Variants in P2RY8 observed in about 807,000 individuals in gnomAD.
The protein encoded by P2RY8 is S-geranylgeranyl-glutathione receptor P2RY8.
Under a neutral mutation model 10.0 loss-of-function variants are expected in P2RY8, and 6 were observed. The ratio of observed to expected loss-of-function variants is 0.60; its 90% confidence interval spans 0.33 to 1.19. The LOEUF (loss-of-function observed/expected upper bound fraction) is 1.19. P2RY8 is among the 50% of genes most tolerant of loss of function. The pLI is 0.04. For missense variants in P2RY8, 456 were observed against 542.0 expected (o/e 0.84, Z 1.58); for synonymous variants, 276 against 252.5 (o/e 1.09, Z -0.88).
intron 1 of P2RY8, among the ~76,000 whole-genome samples, chrX:1,497,573 G>A (rs7065043): frequency 0.29 from 44,204 of 150,860 alleles, 6,738 homozygotes; most frequent in Middle Eastern, 0.39. Context: ...CAGGAGAATC[G>A]CTTGAACCCG....
intron 1 of P2RY8, among the ~76,000 whole-genome samples, chrX:1,479,260 T>C (rs2091909996): frequency 6.6e-6 from 1 of 152,260 alleles, no homozygotes; most frequent in African/African-American, 2.4e-5. Context: ...TTTTGCATAG[T>C]AGGACATACA....
intron 1 of P2RY8, among the ~76,000 whole-genome samples, chrX:1,473,026 T>C (rs2091814157): frequency 7.7e-6 from 1 of 130,202 alleles, no homozygotes; most frequent in African/African-American, 3.0e-5. Flanking sequence ...GGTAGGTGGG[T>C]TTGTGAATGG....
intron 1 of P2RY8, among the ~76,000 whole-genome samples, chrX:1,526,778 C>G (rs1321404262): frequency 1.3e-5 from 2 of 152,168 alleles, no homozygotes; most frequent in Admixed American, 6.5e-5. Flanking sequence ...TCCATTAATT[C>G]ATTTATCCAT....
At chrX:1,530,163 TCTATCTATCTATCTATC>T (rs2092463750) in intron 1 of P2RY8, among the ~76,000 whole-genome samples, 3 of 5,450 alleles carry the variant, frequency 5.5e-4, no homozygotes, top group African/African-American at 7.1e-4. Flanking sequence ...GTATGATCTA[TCTATCTATCTATCTATC>T]TATCTATCTA....
In P2RY8 at chrX:1,463,269, G is replaced by A. The variant is rs2091612469; in HGVS notation, c.*2210C>T. 4.3e-6 allele frequency: 1 copy of A among 232,918 alleles called. No individual in the cohort carries two copies. The highest frequency in any genetic ancestry group is 1.8e-4 in the South Asian group (1 of 5,526). 14.4% of individuals were successfully genotyped at this position (232,918 alleles called of 1,614,324 possible). ...CTTCTGTATCAGCTTTGCTTTCTAGGGTTCAGCTTTGGAACAGTCTAGAGA... is the reference window on the plus strand; with the variant it reads ...CTTCTGTATCAGCTTTGCTTTCTAGAGTTCAGCTTTGGAACAGTCTAGAGA... On this transcript the variant is annotated 3_prime_UTR_variant, in exon 2 of 2. Coordinates refer to ENST00000381297, the MANE Select transcript of P2RY8 (RefSeq NM_178129.5).
intron 1 of P2RY8, among the ~76,000 whole-genome samples, chrX:1,509,753 C>CTATG (rs1409894226): frequency 0.14 from 11,293 of 81,904 alleles, 1,095 homozygotes; most frequent in Non-Finnish European, 0.2. Context: ...ATCTATCTGT[C>CTATG]TATCTATCTA....
chrX:1,513,613 A>G (rs1487270511), intron 1 of P2RY8, among the ~76,000 whole-genome samples: 1 of 151,842 alleles, frequency 6.6e-6, no homozygotes, highest in African/African-American at 2.4e-5. Context: ...TCCAATCTCA[A>G]GGTCCTTAAC....
At chrX:1,482,016 C>T (rs1415114173) in intron 1 of P2RY8, among the ~76,000 whole-genome samples, 1 of 152,208 alleles carries the variant, frequency 6.6e-6, no homozygotes, top group African/African-American at 2.4e-5. Context: ...TGATCTGCGT[C>T]TTCTGCAAAG....
intron 1 of P2RY8, among the ~76,000 whole-genome samples, chrX:1,504,355 G>GC (rs2149399462): frequency 6.6e-6 from 1 of 151,310 alleles, no homozygotes; most frequent in South Asian, 2.1e-4. Context: ...ATGCTTCTTT[G>GC]CCCCCCTTGA....
rs181841119 is a variant in P2RY8 at position 1,488,349 on chromosome X, G to A, written c.-24-21767C>T. 9.9e-5 allele frequency among the ~76,000 whole-genome samples: 15 copies of A among 152,278 alleles called. No homozygotes were observed. The East Asian group carries it at 2.9e-3, about 29-fold the overall frequency. Reference sequence around the variant, plus strand: ...TGGTGTTTCCCCTGCTCGCTGTCAGGCACAGATGATGTGCTTATGCCAGTT... The same window carrying A: ...TGGTGTTTCCCCTGCTCGCTGTCAGACACAGATGATGTGCTTATGCCAGTT... On this transcript the variant is annotated intron_variant, in intron 1 of 1. Transcript: ENST00000381297.
rs539683722 is a variant in P2RY8, at chrX:1,535,184, C to CTTTTTTTT, written c.-25+1729_-25+1736dup. 1.4e-3 allele frequency among the ~76,000 whole-genome samples: 113 copies of CTTTTTTTT among 80,630 alleles called. 11 individuals carry two copies. Among genetic ancestry groups the CTTTTTTTT allele is most frequent in the African/African-American group, 4.4e-3 (86 of 19,708 alleles). The allele number at this position is 80,630 out of a possible 152,430, so 52.9% of individuals were successfully genotyped here. ...CTGCTTTTCCAATGTGGGATAATTC[C>CTTTTTTTT]TTTTTTTTTTTTTTTTTTTTTGAGA... On this transcript the variant is annotated intron_variant, in intron 1 of 1. Coordinates refer to ENST00000381297, the MANE Select transcript of P2RY8 (RefSeq NM_178129.5).
chrX:1,533,745 TTTA>T (rs1236017186), intron 1 of P2RY8, among the ~76,000 whole-genome samples: 8 of 124,136 alleles, frequency 6.4e-5, no homozygotes, highest in East Asian at 5.4e-4. Context: ...TCATATATTA[TTTA>T]TTATTTATAT....
chrX:1,500,421 G>C (rs144749307), intron 1 of P2RY8, among the ~76,000 whole-genome samples: 4,164 of 151,920 alleles, frequency 0.027, 162 homozygotes, highest in African/African-American at 0.096. Context: ...GGGACTACAG[G>C]CGTGCACCAC....
At chrX:1,517,271 G>A (rs190469784) in intron 1 of P2RY8, among the ~76,000 whole-genome samples, 5,021 of 152,154 alleles carry the variant, frequency 0.033, 293 homozygotes, top group African/African-American at 0.12. Context: ...GGACGACCCC[G>A]TGAGGACACA....
chrX:1,463,828 CTG>C lies in P2RY8; in HGVS notation c.*1649_*1650del, dbSNP rs1361676996. On this transcript the variant is annotated 3_prime_UTR_variant, in exon 2 of 2. Coordinates refer to ENST00000381297, the MANE Select transcript of P2RY8 (RefSeq NM_178129.5). ...CTTTATGTGGCCTCCTGCTTTGTGT[CTG>C]TGTCTCCTCTTCCGTCTCTCATAGG... 21 of 233,290 alleles carry C rather than the reference CTG, an allele frequency of 9.0e-5. No individual in the cohort carries two copies. The highest frequency in any genetic ancestry group is 3.4e-5 in the Non-Finnish European group (4 of 118,052). The allele number at this position is 233,290 out of a possible 1,614,324, so 14.5% of individuals were successfully genotyped here. A position where few individuals can be genotyped will look rare whatever the true frequency, so the allele number is the denominator to read the frequency against.
rs1236190429 is a variant in P2RY8, at chrX:1,526,468, TCATC to T, written c.-25+10449_-25+10452del. Among the ~76,000 whole-genome samples, 127 of 152,128 alleles carry T rather than the reference TCATC, an allele frequency of 8.3e-4. 1 individual carries two copies. The highest frequency in any genetic ancestry group is 2.9e-3 in the African/African-American group (120 of 41,528). On this transcript the variant is annotated intron_variant, in intron 1 of 1. Transcript: ENST00000381297. ...GCTCATTTATTCCTTATCCAGCCAC[TCATC>T]CATCCATCCATTTATCCATCCATCC...
intron 1 of P2RY8, among the ~76,000 whole-genome samples, chrX:1,489,424 T>G (rs1475841929): frequency 6.6e-6 from 1 of 151,826 alleles, no homozygotes; most frequent in Non-Finnish European, 1.5e-5. Context: ...CTTCCGTAAA[T>G]GTAGAGAGAA....
intron 1 of P2RY8, among the ~76,000 whole-genome samples, chrX:1,509,741 G>GTATCTGTC (rs2092280999): frequency 2.6e-5 from 1 of 39,012 alleles, no homozygotes; most frequent in Non-Finnish European, 5.7e-5. Context: ...ATCTATCTAT[G>GTATCTGTC]TATCTATCTG....
At chrX:1,480,672 G>T (rs1426228598) in intron 1 of P2RY8, among the ~76,000 whole-genome samples, 1 of 151,996 alleles carries the variant, frequency 6.6e-6, no homozygotes, top group Admixed American at 6.6e-5. Context: ...GGCCTGTCGG[G>T]GGGTGAGGGG....
Sources: allele counts gnomAD v4.1 joint callset (sites outside exome capture counted in the v4.1 genomes callset), GRCh38; gene constraint gnomAD v4.1.1; transcripts MANE v1.5; gene names NCBI Gene and HGNC (gene_info 2026-07-23, HGNC 2026-07-21).